GREB1L: variants seen among roughly 807,000 people sequenced by gnomAD.
GREB1L encodes GREB1 like retinoic acid receptor coactivator.
A neutral mutation model predicts 200.8 loss-of-function variants in GREB1L; 17 were observed. That is an observed-to-expected ratio of 0.08 (90% confidence interval 0.06 to 0.13). The LOEUF is 0.13. GREB1L is among the 10% of genes least tolerant of loss of function. The pLI, the probability that GREB1L is intolerant of heterozygous loss-of-function variation, is 1.00. For missense variants in GREB1L, 1,657 were observed against 2,367.7 expected, an observed-to-expected ratio of 0.70 and a Z score of 6.23; for synonymous variants, 789 against 893.0, an observed-to-expected ratio of 0.88 and a Z score of 2.08.
At position 21,493,994 on chromosome 18, in the gene GREB1L, A is replaced by G. The variant is rs576356582; in HGVS notation, c.3031-1676A>G. On this transcript the variant is annotated intron_variant, in intron 19 of 32. Coordinates refer to ENST00000424526, the MANE Select transcript of GREB1L (RefSeq NM_001142966.3). Reference sequence around the variant, plus strand: ...TCTATAGAGACAGTTCTGGGAGATAAAACACATTCAGGGAGAAACCCAGTG... The same window carrying G: ...TCTATAGAGACAGTTCTGGGAGATAGAACACATTCAGGGAGAAACCCAGTG... Among the ~76,000 whole-genome samples, 7 of 152,014 alleles carry G rather than the reference A, an allele frequency of 4.6e-5. No homozygotes were observed. The East Asian group carries it at 1.2e-3, about 25-fold the overall frequency.
At chr18:21,352,767 A>C (rs1020373267) in intron 1 of GREB1L, among the ~76,000 whole-genome samples, 1 of 152,132 alleles carries the variant, frequency 6.6e-6, no homozygotes, top group African/African-American at 2.4e-5. Context: ...TCATTGTAGA[A>C]AATTGGAAAA....
intron 16 of GREB1L, among the ~76,000 whole-genome samples, chr18:21,475,664 C>T (rs919801271): frequency 2.6e-5 from 4 of 151,736 alleles, no homozygotes; most frequent in Admixed American, 1.3e-4. Flanking sequence ...CCTGGATGAA[C>T]TTATTAATGA....
intron 14 of GREB1L, chr18:21,452,455 T>C: frequency 2.2e-6 from 1 of 452,312 alleles, no homozygotes; most frequent in South Asian, 4.2e-5. Context: ...GACTTTATCT[T>C]AAGCACTCTC....
intron 6 of GREB1L, among the ~76,000 whole-genome samples, chr18:21,402,360 C>G (rs1457593175): frequency 2.6e-5 from 4 of 151,150 alleles, no homozygotes; most frequent in Non-Finnish European, 5.9e-5. Context: ...AGTGGCAATT[C>G]ATCCTTCCTT....
chr18:21,495,522 G>A (rs2036511688), intron 19 of GREB1L, 148 bp from the exon 20 acceptor site: 1 of 617,222 alleles, frequency 1.6e-6, no homozygotes. Flanking sequence ...TGTAGTAGCA[G>A]TTAAAATATA....
intron 6 of GREB1L, among the ~76,000 whole-genome samples, chr18:21,402,697 A>AT (rs1216269093): frequency 6.6e-6 from 1 of 151,466 alleles, no homozygotes; most frequent in Non-Finnish European, 1.5e-5. Flanking sequence ...TAATTTTTGT[A>AT]TTTTTTGTAG....
At chr18:21,345,392 G>T (rs1235725623) in intron 1 of GREB1L, among the ~76,000 whole-genome samples, 2 of 152,140 alleles carry the variant, frequency 1.3e-5, no homozygotes, top group Admixed American at 1.3e-4. Flanking sequence ...CCTTGTCGTG[G>T]TCTTTAACAC....
At chr18:21,399,575 G>T (rs1441908436) in intron 5 of GREB1L, among the ~76,000 whole-genome samples, 2 of 152,014 alleles carry the variant, frequency 1.3e-5, no homozygotes, top group African/African-American at 2.4e-5. Context: ...TTTTTGGCGG[G>T]GAGGGGCTAC....
chr18:21,413,464 C>T (rs986940813), intron 7 of GREB1L, among the ~76,000 whole-genome samples: 1 of 152,196 alleles, frequency 6.6e-6, no homozygotes, highest in African/African-American at 2.4e-5. Context: ...CTTATGAATA[C>T]TCAGTTAATG....
intron 1 of GREB1L, among the ~76,000 whole-genome samples, chr18:21,250,992 T>A (rs2037693459): frequency 6.6e-6 from 1 of 152,196 alleles, no homozygotes; most frequent in South Asian, 2.1e-4. Context: ...ATTAATAATC[T>A]TACATGAATA....
intron 4 of GREB1L, among the ~76,000 whole-genome samples, chr18:21,394,165 T>C (rs78364389): frequency 0.072 from 10,955 of 152,236 alleles, 546 homozygotes; most frequent in Middle Eastern, 0.18. Context: ...GGGAAAGGCT[T>C]TGATGGGCCT....
At chr18:21,258,771 C>T (rs908653048) in intron 1 of GREB1L, among the ~76,000 whole-genome samples, 2 of 152,076 alleles carry the variant, frequency 1.3e-5, no homozygotes, top group African/African-American at 2.4e-5. Flanking sequence ...ATCCTTCGTG[C>T]GTGTTCAATT....
chr18:21,319,429 G>A (rs2038919092), intron 1 of GREB1L, among the ~76,000 whole-genome samples: 1 of 152,168 alleles, frequency 6.6e-6, no homozygotes, highest in African/African-American at 2.4e-5. Context: ...TAAATGTTAG[G>A]AAATTATGCC....
intron 15 of GREB1L, among the ~76,000 whole-genome samples, chr18:21,457,613 T>G (rs1035528442): frequency 6.6e-6 from 1 of 152,216 alleles, no homozygotes; most frequent in Non-Finnish European, 1.5e-5. Context: ...TGTACCTCTT[T>G]CCATGTCATG....
chr18:21,361,072 T>A (rs1311819284), intron 1 of GREB1L, among the ~76,000 whole-genome samples: 1 of 152,208 alleles, frequency 6.6e-6, no homozygotes, highest in African/African-American at 2.4e-5. Flanking sequence ...ATCTCCACTT[T>A]TTTGGATTTG....
intron 1 of GREB1L, among the ~76,000 whole-genome samples, chr18:21,270,721 G>A (rs928186195): frequency 5.3e-5 from 8 of 152,218 alleles, no homozygotes; most frequent in African/African-American, 1.9e-4. Flanking sequence ...CTCATCAGTA[G>A]TCCCTGAACA....
chr18:21,325,495 A>T (rs574123185), intron 1 of GREB1L, among the ~76,000 whole-genome samples: 1 of 151,922 alleles, frequency 6.6e-6, no homozygotes, highest in Admixed American at 6.6e-5. Context: ...ACAGGTATAT[A>T]TTTTTTTTAT....
intron 1 of GREB1L, among the ~76,000 whole-genome samples, chr18:21,247,749 C>T (rs550150749): frequency 7.2e-5 from 11 of 152,118 alleles, no homozygotes; most frequent in African/African-American, 1.9e-4. Flanking sequence ...TCTACAAATT[C>T]GTATTATGTT....
chr18:21,493,570 A>G (rs2036422894), intron 19 of GREB1L, among the ~76,000 whole-genome samples: 1 of 152,180 alleles, frequency 6.6e-6, no homozygotes, highest in Admixed American at 6.5e-5. Context: ...ATCTGAAAAT[A>G]AACATCCTCA....
Sources: allele counts gnomAD v4.1 joint callset (sites outside exome capture counted in the v4.1 genomes callset), GRCh38; gene constraint gnomAD v4.1.1; transcripts MANE v1.5; gene names NCBI Gene and HGNC (gene_info 2026-07-23, HGNC 2026-07-21).